GLT8D1: variants seen among roughly 807,000 people sequenced by gnomAD.
The protein encoded by GLT8D1 is glycosyltransferase 8 domain containing 1.
Under a neutral mutation model 46.2 loss-of-function variants are expected in GLT8D1, and 41 were observed. That is an observed-to-expected ratio of 0.89 (90% CI 0.69 to 1.15). GLT8D1 has a LOEUF of 1.15. Among genes scored for constraint, GLT8D1 ranks in the 50% most tolerant of loss-of-function variants. The probability of loss-of-function intolerance (pLI) is 0.00; values close to 1 mark genes in which losing one functional copy is unlikely to be tolerated. For synonymous variants in GLT8D1, 150 were observed against 154.2 expected (o/e 0.97, Z 0.20); for missense variants, 408 against 449.3 (o/e 0.91, Z 0.83).
rs114173039 is a variant in GLT8D1 at position 52,697,884 on chromosome 3, G to A, written c.166C>T (p.Arg56Ter). 45 of 1,613,640 alleles carry A rather than the reference G, an allele frequency of 2.8e-5. No individual in the cohort carries two copies. The highest frequency in any genetic ancestry group is 4.0e-5 in the African/African-American group (3 of 74,904). ...QPIDFVPNAL[R>*]HAVDGRQEEI... ...TCTTGTCTCCCATCTACTGCATGTC[G>A]GAGAGCATTTGGGACAAAGTCTATA... Residue 56 changes from arginine (R) to a stop codon, truncating the protein, a stop_gained, in exon 4 of 10, where the codon CGA (arginine) becomes TGA (stop). Transcript: ENST00000266014. LOFTEE classifies it high-confidence loss of function.
At chr3:52,698,111 G>A (rs1218644735) in intron 3 of GLT8D1, among the ~76,000 whole-genome samples, 177 bp from the exon 4 acceptor site, 1 of 152,140 alleles carries the variant, frequency 6.6e-6, no homozygotes, top group Non-Finnish European at 1.5e-5. Context: ...TTGGAAAAGT[G>A]GAGGAAGCAT....
At chr3:52,698,780 A>ATT in intron 3 of GLT8D1, among the ~76,000 whole-genome samples, 1 of 145,454 alleles carries the variant, frequency 6.9e-6, no homozygotes, top group East Asian at 2.0e-4. Context: ...CTTGCCTTTC[A>ATT]TTTTTTTTTT....
At chr3:52,704,705 T>G (rs1297835629) in intron 1 of GLT8D1, 1 of 152,254 alleles carries the variant, frequency 6.6e-6, no homozygotes, top group Non-Finnish European at 1.5e-5. Context: ...ACTGAGGATA[T>G]ACAAACACTT....
In GLT8D1 at chr3:52,700,462, T is replaced by C; in HGVS notation, c.-2A>G. 2.5e-6 allele frequency: 4 copies of C among 1,588,796 alleles called. No homozygotes were observed. The highest frequency in any genetic ancestry group is 3.5e-6 in the Non-Finnish European group (4 of 1,158,774). On this transcript the variant is annotated 5_prime_UTR_variant, in exon 2 of 10. Transcript: ENST00000266014. ...GAGCATACCTTTACGGAATGACATC[T>C]TTTTCTTCTGTCATATAAATATTAG...
At chr3:52,698,892 C>T (rs1398530948) in intron 3 of GLT8D1, among the ~76,000 whole-genome samples, 1 of 151,818 alleles carries the variant, frequency 6.6e-6, no homozygotes, top group East Asian at 1.9e-4. Flanking sequence ...TGAGGATAGA[C>T]AGCCAATAAG....
Position 52,694,490 on chromosome 3 carries a change from T to C in GLT8D1, c.*355A>G, listed in dbSNP as rs2097330802. On this transcript the variant is annotated 3_prime_UTR_variant, in exon 10 of 10. Transcript: ENST00000266014. ...CTGGAATAAAAAAAGAAGATACCTATTGAAAAATGTAAGTTTTATTTACAG... is the reference window on the plus strand; with the variant it reads ...CTGGAATAAAAAAAGAAGATACCTACTGAAAAATGTAAGTTTTATTTACAG... 8.7e-6 allele frequency: 5 copies of C among 577,586 alleles called. No individual in the cohort carries two copies. The highest frequency in any genetic ancestry group is 2.8e-5 in the East Asian group (1 of 35,152). The allele number at this position is 577,586 out of a possible 1,614,324, so 35.8% of individuals were successfully genotyped here. A position where few individuals can be genotyped will look rare whatever the true frequency, so the allele number is the denominator to read the frequency against.
Position 52,697,951 on chromosome 3 carries a change from G to A in GLT8D1, c.116-17C>T. ...TTCCTGAATCTGAAAACACAAGGAAGGCACTGTGATTACAATCTCATGGGC... is the reference window on the plus strand; with the variant it reads ...TTCCTGAATCTGAAAACACAAGGAAAGCACTGTGATTACAATCTCATGGGC... On this transcript the variant is annotated splice_polypyrimidine_tract_variant and intron_variant, in intron 3 of 9. Transcript: ENST00000266014. 1 of 1,497,852 alleles carries A rather than the reference G, an allele frequency of 6.7e-7. No individual in the cohort carries two copies. Among genetic ancestry groups the A allele is most frequent in the Admixed American group, 1.7e-5 (1 of 59,882 alleles). 92.8% of individuals were successfully genotyped at this position (1,497,852 alleles called of 1,614,324 possible). A position where few individuals can be genotyped will look rare whatever the true frequency, so the allele number is the denominator to read the frequency against.
Position 52,697,943 on chromosome 3 carries a change from A to G in GLT8D1, c.116-9T>C. 6.5e-7 allele frequency: 1 copy of G among 1,549,354 alleles called. No homozygotes were observed. Among genetic ancestry groups the G allele is most frequent in the Non-Finnish European group, 8.9e-7 (1 of 1,120,982 alleles). ...CCCTACAATTCCTGAATCTGAAAAC[A>G]CAAGGAAGGCACTGTGATTACAATC... On this transcript the variant is annotated splice_polypyrimidine_tract_variant and intron_variant, in intron 3 of 9. Coordinates refer to ENST00000266014, the MANE Select transcript of GLT8D1 (RefSeq NM_018446.4).
At chr3:52,697,304 C>A (rs1466743529) in intron 4 of GLT8D1, among the ~76,000 whole-genome samples, 1 of 152,166 alleles carries the variant, frequency 6.6e-6, no homozygotes, top group Non-Finnish European at 1.5e-5. Flanking sequence ...GGATTTGGAT[C>A]AGGATCTGTG....
intron 6 of GLT8D1, 21 bp from the exon 7 acceptor site, chr3:52,696,061 A>C: frequency 6.8e-7 from 1 of 1,479,462 alleles, no homozygotes; most frequent in Non-Finnish European, 9.5e-7. Context: ...CAAGATGTTA[A>C]GATTTACATT....
At position 52,700,356 on chromosome 3, in the gene GLT8D1, G is replaced by C; in HGVS notation, c.21C>G (p.Asn7Lys). MSFRKV[N>K]IIILVLAVAL... ...CAACAGCCAGGACCAAGATGATGAT[G>C]TTTACTGAAATAGATAGGGAAAACC... Residue 7 changes from asparagine (N) to lysine (K), a missense_variant, in exon 3 of 10, where the codon AAC becomes AAG. Transcript: ENST00000266014. The C allele has an allele frequency of 6.2e-7, 1 of 1,611,796 alleles. No homozygotes were observed. Among genetic ancestry groups the C allele is most frequent in the South Asian group, 1.1e-5 (1 of 91,034 alleles).
chr3:52,694,670 A>C lies in GLT8D1; in HGVS notation c.*175T>G. On this transcript the variant is annotated 3_prime_UTR_variant, in exon 10 of 10. Transcript: ENST00000266014. Reference sequence around the variant, plus strand: ...AGATGGAGACATATTTATAGTCTATAGTCTGTCTGGGAAGCTGACTGCCAG... The same window carrying C: ...AGATGGAGACATATTTATAGTCTATCGTCTGTCTGGGAAGCTGACTGCCAG... 2 of 657,276 alleles carry C rather than the reference A, an allele frequency of 3.0e-6. No homozygotes were observed. Among genetic ancestry groups the C allele is most frequent in the Non-Finnish European group, 5.5e-6 (2 of 361,928 alleles). 40.7% of individuals were successfully genotyped at this position (657,276 alleles called of 1,614,324 possible).
Position 52,694,517 on chromosome 3 carries a change from T to A in GLT8D1, c.*328A>T. 1.7e-6 allele frequency: 1 copy of A among 580,384 alleles called. No individual in the cohort carries two copies. The highest frequency in any genetic ancestry group is 3.0e-6 in the Non-Finnish European group (1 of 328,638). The allele number at this position is 580,384 out of a possible 1,614,324, so 36.0% of individuals were successfully genotyped here. A position where few individuals can be genotyped will look rare whatever the true frequency, so the allele number is the denominator to read the frequency against. ...GAAAAATGTAAGTTTTATTTACAGA[T>A]CAGGCCACAGGTTACAAAATTAAAA... On this transcript the variant is annotated 3_prime_UTR_variant, in exon 10 of 10. Transcript: ENST00000266014.
At chr3:52,695,670 TA>T in intron 7 of GLT8D1, 83 bp from the exon 8 acceptor site, 1 of 789,058 alleles carries the variant, frequency 1.3e-6, no homozygotes, top group Non-Finnish European at 2.1e-6. Context: ...GAAGAGCTGT[TA>T]AACTGACTTC....
chr3:52,700,820 T>C (rs964579471), intron 1 of GLT8D1, among the ~76,000 whole-genome samples: 1 of 152,066 alleles, frequency 6.6e-6, no homozygotes, highest in African/African-American at 2.4e-5. Context: ...TCCCAGCACT[T>C]TGGGAGGCCG....
At chr3:52,704,896 G>A (rs2097342587) in intron 1 of GLT8D1, 1 of 152,268 alleles carries the variant, frequency 6.6e-6, no homozygotes, top group Non-Finnish European at 1.5e-5. Flanking sequence ...GACACGCTCT[G>A]GGCTCTTCCA....
Position 52,697,479 on chromosome 3 carries a change from G to C in GLT8D1, c.329+242C>G. On this transcript the variant is annotated intron_variant, in intron 4 of 9. Transcript: ENST00000266014. ...TATTATCAAAACACCATCAGGTGGG[G>C]TTAACAGTTCAGAGTGACAGCTGAC... 4 of 526,994 alleles carry C rather than the reference G, an allele frequency of 7.6e-6. No homozygotes were observed. The South Asian group carries it at 9.0e-5, about 12-fold the overall frequency. The allele number at this position is 526,994 out of a possible 1,614,324, so 32.6% of individuals were successfully genotyped here.
Position 52,694,540 on chromosome 3 carries a change from A to C in GLT8D1, c.*305T>G. On this transcript the variant is annotated 3_prime_UTR_variant, in exon 10 of 10. Transcript: ENST00000266014. ...GATCAGGCCACAGGTTACAAAATTA[A>C]AACCAACAGCAGTTTTGAATTATCT... 1 of 582,084 alleles carries C rather than the reference A, an allele frequency of 1.7e-6. No homozygotes were observed. The highest frequency in any genetic ancestry group is 3.0e-6 in the Non-Finnish European group (1 of 328,902). The allele number at this position is 582,084 out of a possible 1,614,324, so 36.1% of individuals were successfully genotyped here.
rs73078841 is a variant in GLT8D1 at position 52,702,077 on chromosome 3, C to T, written c.-36-1581G>A. Among the ~76,000 whole-genome samples the T allele has an allele frequency of 1.5e-3, 224 of 152,254 alleles. 1 individual carries two copies. Among genetic ancestry groups the T allele is most frequent in the Middle Eastern group, 3.4e-3 (1 of 294 alleles). On this transcript the variant is annotated intron_variant, in intron 1 of 9. Coordinates refer to ENST00000266014, the MANE Select transcript of GLT8D1 (RefSeq NM_018446.4). ...ACAGGGTCTCACCATGTTGCCCAGG[C>T]TGGCCTCTAACTCCTAGGCTCAAGC...
Sources: gnomAD v4.1 joint callset for allele counts (sites outside exome capture counted in the v4.1 genomes callset) on GRCh38, gnomAD v4.1.1 for gene constraint, MANE v1.5 for transcripts, NCBI Gene and HGNC (gene_info 2026-07-23, HGNC 2026-07-21) for gene names.